Variants in CWF19L2 observed in about 807,000 individuals in gnomAD.
The protein encoded by CWF19L2 is CWF19-like protein 2.
In CWF19L2, 98 loss-of-function variants were observed where a neutral mutation model predicts 111.7. The ratio of observed to expected loss-of-function variants is 0.88; its 90% CI spans 0.75 to 1.04. CWF19L2 has a LOEUF of 1.04. Among genes scored for constraint, CWF19L2 ranks in the 50% least tolerant of loss-of-function variants. The pLI, the probability that CWF19L2 is intolerant of heterozygous loss-of-function variation, is 0.00. For synonymous variants in CWF19L2, 351 were observed against 342.9 expected, an observed-to-expected ratio of 1.02 and a Z score of -0.26; for missense variants, 1,101 against 1,051.4, an observed-to-expected ratio of 1.05 and a Z score of -0.65.
intron 12 of CWF19L2, among the ~76,000 whole-genome samples, chr11:107,388,785 T>C (rs946990292): frequency 6.6e-6 from 1 of 152,214 alleles, no homozygotes; most frequent in East Asian, 1.9e-4. Context: ...AGACTTCATA[T>C]ACAGAGGTAC....
At chr11:107,449,738 G>C (rs765578353) in intron 3 of CWF19L2, among the ~76,000 whole-genome samples, 3 of 151,442 alleles carry the variant, frequency 2.0e-5, no homozygotes, top group Non-Finnish European at 4.4e-5. Flanking sequence ...AGATGAAATG[G>C]GATGCTAAAA....
chr11:107,326,627 T>C lies in CWF19L2; in HGVS notation c.*283A>G. On this transcript the variant is annotated 3_prime_UTR_variant, in exon 18 of 18. Transcript: ENST00000282251. ...CCTTCAGAAAAGGCCTTCTCTAAAT[T>C]AACTGAACAATTCGGAATACCAAGA... 1 of 269,490 alleles carries C rather than the reference T, an allele frequency of 3.7e-6. No individual in the cohort carries two copies. The highest frequency in any genetic ancestry group is 6.9e-6 in the Non-Finnish European group (1 of 145,246). 16.7% of individuals were successfully genotyped at this position (269,490 alleles called of 1,614,324 possible). A position where few individuals can be genotyped will look rare whatever the true frequency, so the allele number is the denominator to read the frequency against.
intron 12 of CWF19L2, among the ~76,000 whole-genome samples, chr11:107,365,256 C>T (rs1434317061): frequency 5.5e-5 from 8 of 146,524 alleles, no homozygotes; most frequent in Non-Finnish European, 1.2e-4. Flanking sequence ...CAAGGAGGAA[C>T]TGGTACCATT....
At chr11:107,356,532 A>G (rs996715210) in intron 12 of CWF19L2, among the ~76,000 whole-genome samples, 17 of 152,136 alleles carry the variant, frequency 1.1e-4, no homozygotes, top group Admixed American at 7.9e-4. Flanking sequence ...AGGTTTGTCT[A>G]TTTATGTAAA....
intron 12 of CWF19L2, among the ~76,000 whole-genome samples, chr11:107,359,249 G>C (rs922744671): frequency 3.3e-5 from 5 of 152,218 alleles, no homozygotes; most frequent in South Asian, 2.1e-4. Context: ...GGAAGGGGCA[G>C]TGCTTTCTTC....
intron 3 of CWF19L2, among the ~76,000 whole-genome samples, chr11:107,448,789 C>T (rs1052503662): frequency 1.3e-5 from 2 of 152,080 alleles, no homozygotes; most frequent in African/African-American, 4.8e-5. Flanking sequence ...GAGAAGACAG[C>T]CATCTCTGAG....
chr11:107,332,306 TCTCGACAGTTA>T (rs1859861462), intron 16 of CWF19L2, among the ~76,000 whole-genome samples: 2 of 152,204 alleles, frequency 1.3e-5, no homozygotes, highest in Admixed American at 1.3e-4. Flanking sequence ...TGACTGCTTT[TCTCGACAGTTA>T]CTTATTATCA....
Position 107,390,054 on chromosome 11 carries a change from A to C in CWF19L2, c.1872+20T>G. Reference sequence around the variant, plus strand: ...AATCAGCTTCTCAAAATTCAGAGGTATCCTAGGAATATATCTTACCTTAGA... The same window carrying C: ...AATCAGCTTCTCAAAATTCAGAGGTCTCCTAGGAATATATCTTACCTTAGA... On this transcript the variant is annotated intron_variant, in intron 12 of 17. Transcript: ENST00000282251. 2 of 1,600,754 alleles carry C rather than the reference A, an allele frequency of 1.2e-6. No individual in the cohort carries two copies. Among genetic ancestry groups the C allele is most frequent in the Non-Finnish European group, 1.7e-6 (2 of 1,170,550 alleles).
At chr11:107,359,985 C>A (rs1024692869) in intron 12 of CWF19L2, among the ~76,000 whole-genome samples, 5 of 152,178 alleles carry the variant, frequency 3.3e-5, no homozygotes, top group Admixed American at 3.3e-4. Context: ...CTTGAGGGTG[C>A]CTCTTAGTAT....
In CWF19L2 at chr11:107,418,341, A is replaced by G. The variant is rs901661052; in HGVS notation, c.1434-54T>C. 5 of 1,111,478 alleles carry G rather than the reference A, an allele frequency of 4.5e-6. No homozygotes were observed. The African/African-American group carries it at 6.1e-5, about 14-fold the overall frequency. The allele number at this position is 1,111,478 out of a possible 1,614,324, so 68.9% of individuals were successfully genotyped here. On this transcript the variant is annotated intron_variant, in intron 8 of 17. Transcript: ENST00000282251. ...ATGAAATATAGGTGCGATGCAAGCA[A>G]TAACATCAAGACTCAAATGTTATTT...
chr11:107,369,601 G>A (rs1479922721), intron 12 of CWF19L2, among the ~76,000 whole-genome samples: 1 of 137,664 alleles, frequency 7.3e-6, no homozygotes, highest in African/African-American at 2.9e-5. Context: ...TTTGTATATT[G>A]CATTATTTTG....
intron 12 of CWF19L2, among the ~76,000 whole-genome samples, chr11:107,379,365 A>C (rs1006055858): frequency 1.3e-5 from 2 of 152,264 alleles, no homozygotes; most frequent in African/African-American, 4.8e-5. Context: ...TGCTGGCCAG[A>C]GGCCAGGGAT....
At position 107,399,759 on chromosome 11, in the gene CWF19L2, A is replaced by G. The variant is rs565339241; in HGVS notation, c.1618-6864T>C. 4.4e-3 allele frequency among the ~76,000 whole-genome samples: 665 copies of G among 152,324 alleles called. 4 individuals carry two copies. The highest frequency in any genetic ancestry group is 0.015 in the African/African-American group (622 of 41,576). ...GGACATTTCATCCAGCAACTGCAGC[A>G]TACACATTCTATTCAACAGCACATG... On this transcript the variant is annotated intron_variant, in intron 10 of 17. Coordinates refer to ENST00000282251, the MANE Select transcript of CWF19L2 (RefSeq NM_152434.3).
chr11:107,351,070 T>C (rs1319288574), intron 13 of CWF19L2, among the ~76,000 whole-genome samples: 1 of 152,102 alleles, frequency 6.6e-6, no homozygotes, highest in African/African-American at 2.4e-5. Flanking sequence ...ATCTGACTAA[T>C]GTTGACTTAA....
rs148199291 is a variant in CWF19L2, at chr11:107,431,824, G to C, written c.780+1810C>G. 4.2e-3 allele frequency among the ~76,000 whole-genome samples: 635 copies of C among 152,188 alleles called. 1 individual carries two copies. Among genetic ancestry groups the C allele is most frequent in the Non-Finnish European group, 7.1e-3 (482 of 67,986 alleles). On this transcript the variant is annotated intron_variant, in intron 7 of 17. Coordinates refer to ENST00000282251, the MANE Select transcript of CWF19L2 (RefSeq NM_152434.3). ...ACCCATGTATATGAGAAAATTTAAT[G>C]TATAACAAATGTGTCATTTCAAATT...
intron 10 of CWF19L2, among the ~76,000 whole-genome samples, chr11:107,398,929 A>G (rs1462958622): frequency 6.6e-6 from 1 of 152,196 alleles, no homozygotes; most frequent in African/African-American, 2.4e-5. Flanking sequence ...GTATCCAGCA[A>G]AACTAAGCAT....
chr11:107,402,601 G>T (rs1215165571), intron 10 of CWF19L2, among the ~76,000 whole-genome samples: 1 of 151,902 alleles, frequency 6.6e-6, no homozygotes, highest in Non-Finnish European at 1.5e-5. Flanking sequence ...CGTGGATGCG[G>T]TGAACAAGGA....
At chr11:107,398,436 A>G (rs1860954087) in intron 10 of CWF19L2, among the ~76,000 whole-genome samples, 1 of 152,208 alleles carries the variant, frequency 6.6e-6, no homozygotes, top group Non-Finnish European at 1.5e-5. Flanking sequence ...AAAGAAATCC[A>G]GAGCTTGAAG....
At chr11:107,413,042 T>C (rs1260060357) in intron 10 of CWF19L2, among the ~76,000 whole-genome samples, 3 of 152,198 alleles carry the variant, frequency 2.0e-5, no homozygotes, top group African/African-American at 7.2e-5. Flanking sequence ...GATACTACAA[T>C]GGTGGATACA....
Sources: allele counts gnomAD v4.1 joint callset (sites outside exome capture counted in the v4.1 genomes callset), GRCh38; gene constraint gnomAD v4.1.1; transcripts MANE v1.5; gene names NCBI Gene and HGNC (gene_info 2026-07-23, HGNC 2026-07-21).